OSBP2: variants seen among roughly 807,000 people sequenced by gnomAD.
OSBP2 encodes the protein oxysterol-binding protein 2.
A neutral mutation model predicts 96.0 loss-of-function variants in OSBP2; 66 were observed. That is an observed-to-expected ratio of 0.69 (90% CI 0.56 to 0.84). The LOEUF is 0.84. Ranked by LOEUF, OSBP2 falls within the 40% of genes least tolerant of loss-of-function variation. The probability of loss-of-function intolerance (pLI) is 0.00; values close to 1 mark genes in which losing one functional copy is unlikely to be tolerated. For missense variants in OSBP2, 1,038 were observed against 1,222.7 expected (o/e 0.85, Z 2.25); for synonymous variants, 525 against 520.9 (o/e 1.01, Z -0.11).
intron 2 of OSBP2, among the ~76,000 whole-genome samples, chr22:30,760,760 G>C (rs924354301): frequency 1.3e-5 from 2 of 152,052 alleles, no homozygotes; most frequent in African/African-American, 4.8e-5. Context: ...GGAGGTTGCA[G>C]TGAGTGGAGA....
chr22:30,819,716 A>T (rs913236355), intron 2 of OSBP2, among the ~76,000 whole-genome samples: 1 of 151,348 alleles, frequency 6.6e-6, no homozygotes, highest in African/African-American at 2.4e-5. Context: ...ATGATTTTTT[A>T]AAATTATTTT....
chr22:30,792,850 C>T (rs1371691233), intron 2 of OSBP2, among the ~76,000 whole-genome samples: 2 of 152,172 alleles, frequency 1.3e-5, no homozygotes, highest in African/African-American at 4.8e-5. Flanking sequence ...GTGGTCTGAG[C>T]TCATGTGAGT....
In OSBP2 at chr22:30,890,811, C is replaced by A; in HGVS notation, c.1707C>A (p.His569Gln). The change falls in exon 8 of 14, where the codon CAC becomes CAA. Residue 569 changes from histidine (H) to glutamine (Q), a missense_variant. Physicochemically the swap from His to Gln is conservative, Grantham distance 24. This residue lies in a region of OSBP2 where 737 missense variants were observed against 913.3 expected (regional missense o/e 0.81). Coordinates refer to ENST00000332585, the MANE Select transcript of OSBP2 (RefSeq NM_030758.4). This position sits in a 1 kb window ranked among gnomAD's most constrained non-coding sequence, Gnocchi z 4.4. ...ACCACCTGCTGGACAAGGCAGTGCA[C>A]TGCACCAGCTCAGTGGAGCAGATGT... is the stretch of plus-strand genomic sequence containing the variant. Reference protein sequence around the residue: ...EYHHLLDKAVHCTSSVEQMCL... With the variant: ...EYHHLLDKAVQCTSSVEQMCL... 1 of 1,613,734 alleles carries A rather than the reference C, an allele frequency of 6.2e-7. No individual in the cohort carries two copies. Among genetic ancestry groups the A allele is most frequent in the Non-Finnish European group, 8.5e-7 (1 of 1,180,012 alleles).
intron 2 of OSBP2, among the ~76,000 whole-genome samples, chr22:30,827,688 CATGGG>C (rs2038432585): frequency 6.6e-6 from 1 of 152,174 alleles, no homozygotes; most frequent in Non-Finnish European, 1.5e-5. Context: ...GGCCCGTGGG[CATGGG>C]ACAAGTCCAG....
intron 2 of OSBP2, among the ~76,000 whole-genome samples, chr22:30,787,958 A>G (rs2090617918): frequency 1.3e-5 from 2 of 152,202 alleles, no homozygotes; most frequent in African/African-American, 4.8e-5. Flanking sequence ...ACAGTGGGAA[A>G]GGACAGAAGC....
intron 2 of OSBP2, among the ~76,000 whole-genome samples, chr22:30,864,543 C>T (rs980767000): frequency 1.4e-4 from 22 of 152,152 alleles, no homozygotes; most frequent in African/African-American, 5.3e-4. Flanking sequence ...GGATATGGGG[C>T]GTTGGTGGGT....
intron 2 of OSBP2, among the ~76,000 whole-genome samples, chr22:30,794,763 C>G (rs576542012): frequency 3.3e-5 from 5 of 150,406 alleles, no homozygotes; most frequent in Admixed American, 2.6e-4. Context: ...CATCACTGCA[C>G]TCCAGCCTGG....
chr22:30,859,286 T>G (rs900980102), intron 2 of OSBP2, among the ~76,000 whole-genome samples: 1 of 152,194 alleles, frequency 6.6e-6, no homozygotes, highest in African/African-American at 2.4e-5. Context: ...CAGTGGCTTC[T>G]CCAGTGTGGG....
intron 2 of OSBP2, among the ~76,000 whole-genome samples, chr22:30,865,769 C>T (rs5749182): frequency 0.31 from 46,802 of 151,980 alleles, 7,842 homozygotes; most frequent in South Asian, 0.48. Flanking sequence ...CGGGTGGTTA[C>T]CATCCTTCCC....
upstream of OSBP2, chr22:30,694,809 C>T (rs1317828121): frequency 7.3e-5 from 42 of 571,884 alleles, no homozygotes; most frequent in African/African-American, 6.9e-4. Context: ...CGCGCGCGCC[C>T]CCGCCTCGCG....
chr22:30,905,303 C>T (rs555717734), intron 12 of OSBP2, among the ~76,000 whole-genome samples: 1 of 151,812 alleles, frequency 6.6e-6, no homozygotes, highest in Non-Finnish European at 1.5e-5. Context: ...AGGTGCCTGC[C>T]ACCATGCCCA....
chr22:30,697,421 G>A (rs537171636), intron 1 of OSBP2, among the ~76,000 whole-genome samples: 9 of 152,230 alleles, frequency 5.9e-5, no homozygotes, highest in African/African-American at 2.2e-4. Flanking sequence ...TGGGATTACA[G>A]GTGTGCGCCA....
intron 2 of OSBP2, among the ~76,000 whole-genome samples, chr22:30,810,282 G>C (rs565963072): frequency 6.6e-6 from 1 of 152,242 alleles, no homozygotes; most frequent in South Asian, 2.1e-4. Flanking sequence ...GTGTGACTCA[G>C]GTCTTCCACA....
intron 1 of OSBP2, among the ~76,000 whole-genome samples, chr22:30,734,466 C>T (rs1285333319): frequency 6.6e-6 from 1 of 152,184 alleles, no homozygotes; most frequent in Non-Finnish European, 1.5e-5. Context: ...GTGAGCAGGG[C>T]TTTAACTTTG....
At chr22:30,880,890 A>G (rs1443217688) in intron 3 of OSBP2, among the ~76,000 whole-genome samples, 1 of 152,174 alleles carries the variant, frequency 6.6e-6, no homozygotes, top group African/African-American at 2.4e-5. Flanking sequence ...CTCACATGGC[A>G]TGGCCCCTGA....
Position 30,733,726 on chromosome 22 carries a change from G to A in OSBP2, c.645-7435G>A, listed in dbSNP as rs2089813415. ...TGGTCTCCATGGCCTAAAAAGCAATGCATTAACTACTACAGGCTTCCAAGT... is the reference window on the plus strand; with the variant it reads ...TGGTCTCCATGGCCTAAAAAGCAATACATTAACTACTACAGGCTTCCAAGT... On this transcript the variant is annotated intron_variant, in intron 1 of 13. Transcript: ENST00000332585. Among the ~76,000 whole-genome samples, 7 of 150,568 alleles carry A rather than the reference G, an allele frequency of 4.6e-5. No individual in the cohort carries two copies. The South Asian group carries it at 1.5e-3, about 31-fold the overall frequency.
chr22:30,798,854 A>G (rs1318491102), intron 2 of OSBP2, among the ~76,000 whole-genome samples: 2 of 151,964 alleles, frequency 1.3e-5, no homozygotes, highest in Non-Finnish European at 1.5e-5. Flanking sequence ...CTGTACTAAA[A>G]AATACAAACT....
chr22:30,737,315 CTTTTTT>C (rs34541516), intron 1 of OSBP2, among the ~76,000 whole-genome samples: 24 of 110,408 alleles, frequency 2.2e-4, no homozygotes, highest in African/African-American at 7.9e-4. Context: ...TGCGCCCGGC[CTTTTTT>C]TTTTTTTTTT....
chr22:30,800,643 G>T (rs939118135), intron 2 of OSBP2, among the ~76,000 whole-genome samples: 1 of 152,192 alleles, frequency 6.6e-6, no homozygotes, highest in African/African-American at 2.4e-5. Flanking sequence ...AGGTCAAAGA[G>T]TAGGGCCGGA....
Sources: allele counts gnomAD v4.1 joint callset (sites outside exome capture counted in the v4.1 genomes callset), GRCh38; gene constraint gnomAD v4.1.1; regional missense constraint gnomAD v4.1.1; non-coding constraint Gnocchi (gnomAD v3.1); transcripts MANE v1.5; gene names NCBI Gene and HGNC (gene_info 2026-07-23, HGNC 2026-07-21).